The following ITGA9 variants were observed in gnomAD, a reference collection of about 807,000 sequenced individuals.
ITGA9 encodes the protein integrin subunit alpha 9.
In ITGA9, 56 loss-of-function variants were observed where a neutral mutation model predicts 127.8. The ratio of observed to expected loss-of-function variants is 0.44; its 90% CI spans 0.35 to 0.55. The LOEUF is 0.55. Ranked by LOEUF, ITGA9 falls within the 20% of genes least tolerant of loss-of-function variation. The pLI, the probability that ITGA9 is intolerant of heterozygous loss-of-function variation, is 0.00. For missense variants in ITGA9, 1,196 were observed against 1,347.1 expected (o/e 0.89, Z 1.76); for synonymous variants, 508 against 514.5 (o/e 0.99, Z 0.17).
intron 4 of ITGA9, among the ~76,000 whole-genome samples, chr3:37,492,925 T>C (rs1473741031): frequency 6.6e-6 from 1 of 152,244 alleles, no homozygotes; most frequent in African/African-American, 2.4e-5. Flanking sequence ...CTTGCTATTA[T>C]GAAATTTGAT....
chr3:37,703,364 T>G (rs1171605407), intron 18 of ITGA9, among the ~76,000 whole-genome samples: 1 of 152,258 alleles, frequency 6.6e-6, no homozygotes, highest in African/African-American at 2.4e-5. Context: ...CTGAAGTTTT[T>G]GATCAATTGG....
chr3:37,768,700 A>G (rs1370035075), intron 23 of ITGA9, among the ~76,000 whole-genome samples: 1 of 152,194 alleles, frequency 6.6e-6, no homozygotes, highest in Non-Finnish European at 1.5e-5. Context: ...GTGAGTTAAC[A>G]GGAAACACAT....
intron 13 of ITGA9, among the ~76,000 whole-genome samples, 175 bp downstream of exon 13, chr3:37,526,246 C>T (rs1202806183): frequency 6.6e-6 from 1 of 152,114 alleles, no homozygotes; most frequent in African/African-American, 2.4e-5. Context: ...GAGTTTCTAG[C>T]TGTGGCCTTG....
intron 23 of ITGA9, among the ~76,000 whole-genome samples, chr3:37,757,941 C>T (rs531593870): frequency 1.3e-5 from 2 of 151,838 alleles, no homozygotes; most frequent in African/African-American, 4.9e-5. Context: ...GGTACAGAAA[C>T]CAGAAATGGA....
chr3:37,616,548 T>C (rs1345539180), intron 15 of ITGA9, among the ~76,000 whole-genome samples: 1 of 152,218 alleles, frequency 6.6e-6, no homozygotes, highest in African/African-American at 2.4e-5. Context: ...TTGATCTGTC[T>C]AATGTTGACA....
rs72859064 is a variant in ITGA9, at chr3:37,711,218, G to T, written c.2068-21494G>T. On this transcript the variant is annotated intron_variant, in intron 18 of 27. Transcript: ENST00000264741. ...AACACAAGCAGGGCAGGAGGATGAG[G>T]GTTTGTACCTGCTGTTGGCAGGGGG... is the stretch of plus-strand genomic sequence containing the variant. Among the ~76,000 whole-genome samples, 1,073 of 152,248 alleles carry T rather than the reference G, an allele frequency of 7.0e-3. 16 individuals carry two copies. The highest frequency in any genetic ancestry group is 0.024 in the African/African-American group (1,002 of 41,534).
chr3:37,730,285 T>C (rs1559580913), intron 18 of ITGA9, among the ~76,000 whole-genome samples: 2 of 152,186 alleles, frequency 1.3e-5, no homozygotes, highest in Non-Finnish European at 2.9e-5. Context: ...CATCCAAGAC[T>C]TTGGCTTGCT....
At chr3:37,553,150 C>T (rs1054901127) in intron 15 of ITGA9, among the ~76,000 whole-genome samples, 8 of 152,160 alleles carry the variant, frequency 5.3e-5, no homozygotes, top group Admixed American at 1.3e-4. Flanking sequence ...TCTATCTATT[C>T]GTACTTCTTA....
chr3:37,767,370 G>A (rs923185569), intron 23 of ITGA9, among the ~76,000 whole-genome samples: 3 of 152,176 alleles, frequency 2.0e-5, no homozygotes, highest in African/African-American at 7.2e-5. Flanking sequence ...ACTGCCTTAA[G>A]GGATGGGGAA....
intron 18 of ITGA9, among the ~76,000 whole-genome samples, chr3:37,687,234 G>A (rs1700790709): frequency 6.6e-6 from 1 of 152,180 alleles, no homozygotes; most frequent in Non-Finnish European, 1.5e-5. Flanking sequence ...ATAAAGAAAT[G>A]TTACAATGAA....
At chr3:37,493,851 T>C (rs1317743360) in intron 4 of ITGA9, among the ~76,000 whole-genome samples, 1 of 152,214 alleles carries the variant, frequency 6.6e-6, no homozygotes, top group Non-Finnish European at 1.5e-5. Flanking sequence ...CTTAAAATTA[T>C]AACTGCAGCA....
At chr3:37,606,683 G>T (rs1347719464) in intron 15 of ITGA9, among the ~76,000 whole-genome samples, 1 of 152,088 alleles carries the variant, frequency 6.6e-6, no homozygotes, top group Non-Finnish European at 1.5e-5. Context: ...CGCTGTCCTC[G>T]GTATGAGATT....
intron 20 of ITGA9, among the ~76,000 whole-genome samples, chr3:37,737,891 A>C (rs999335584): frequency 2.6e-5 from 4 of 151,918 alleles, no homozygotes; most frequent in African/African-American, 7.3e-5. Context: ...TTTCTATATA[A>C]TTTTTTTTGT....
intron 9 of ITGA9, among the ~76,000 whole-genome samples, chr3:37,516,730 C>T (rs757056912): frequency 6.6e-6 from 1 of 152,144 alleles, no homozygotes; most frequent in Non-Finnish European, 1.5e-5. Flanking sequence ...TGGGCCCAGA[C>T]TGCCTCTGCA....
At chr3:37,731,719 T>C (rs909423500) in intron 18 of ITGA9, among the ~76,000 whole-genome samples, 2 of 152,240 alleles carry the variant, frequency 1.3e-5, no homozygotes, top group African/African-American at 2.4e-5. Context: ...TCTTGATTTC[T>C]AGCCCCATAG....
intron 18 of ITGA9, among the ~76,000 whole-genome samples, chr3:37,694,013 C>T (rs1242315022): frequency 2.0e-5 from 3 of 152,156 alleles, no homozygotes; most frequent in Non-Finnish European, 1.5e-5. Flanking sequence ...GGGTGGATGC[C>T]GATACTTAGA....
chr3:37,684,143 A>G, intron 18 of ITGA9, 128 bp downstream of exon 18: 1 of 903,526 alleles, frequency 1.1e-6, no homozygotes, highest in Non-Finnish European at 1.8e-6. Flanking sequence ...ATTTAGAATG[A>G]TTAGAACTTT....
At chr3:37,635,885 GT>G (rs1220992058) in intron 16 of ITGA9, among the ~76,000 whole-genome samples, 1 of 150,378 alleles carries the variant, frequency 6.6e-6, no homozygotes, top group Non-Finnish European at 1.5e-5. Flanking sequence ...GCGGTGTTTG[GT>G]TTTTTTGTCC....
intron 17 of ITGA9, among the ~76,000 whole-genome samples, chr3:37,664,740 T>A (rs1349252730): frequency 6.6e-6 from 1 of 152,002 alleles, no homozygotes; most frequent in Admixed American, 6.6e-5. Context: ...TTGCATTTTC[T>A]CTCCTTGGAG....
Sources: gnomAD v4.1 joint callset for allele counts (sites outside exome capture counted in the v4.1 genomes callset) on GRCh38, gnomAD v4.1.1 for gene constraint, MANE v1.5 for transcripts, NCBI Gene and HGNC (gene_info 2026-07-23, HGNC 2026-07-21) for gene names.